The following NLGN4X variants were observed in gnomAD, a reference collection of about 807,000 sequenced individuals.
NLGN4X encodes neuroligin-4, X-linked.
In NLGN4X, 3 loss-of-function variants were observed where a neutral mutation model predicts 40.3. The observed-to-expected ratio is 0.07, with a 90% CI of 0.03 to 0.19. The LOEUF (loss-of-function observed/expected upper bound fraction) is 0.19, where lower values mean the gene tolerates loss of function less well. Ranked by LOEUF, NLGN4X falls within the 10% of genes least tolerant of loss-of-function variation. The pLI is 1.00. For missense variants in NLGN4X, 382 were observed against 708.3 expected (o/e 0.54, Z 5.23); for synonymous variants, 270 against 306.8 (o/e 0.88, Z 1.25).
chrX:5,946,726 A>T (rs757013133), intron 3 of NLGN4X, among the ~76,000 whole-genome samples: 2 of 111,398 alleles, frequency 1.8e-5, no homozygotes, highest in South Asian at 7.5e-4. Flanking sequence ...CAGGTTTGTT[A>T]TGCAGGTAAA....
At chrX:6,077,046 T>G (rs959030008) in intron 2 of NLGN4X, among the ~76,000 whole-genome samples, 10 of 111,966 alleles carry the variant, frequency 8.9e-5, no homozygotes, top group Non-Finnish European at 1.9e-5. Flanking sequence ...TAACATATTT[T>G]TACCTTTTTC....
At chrX:6,153,518 T>C (rs2040205630) in intron 1 of NLGN4X, among the ~76,000 whole-genome samples, 1 of 112,249 alleles carries the variant, frequency 8.9e-6, no homozygotes, top group South Asian at 3.7e-4. Context: ...TGGTTGCTTC[T>C]TTCCTGAAAG....
At chrX:5,928,412 G>A (rs190592514) in intron 3 of NLGN4X, among the ~76,000 whole-genome samples, 44 of 111,699 alleles carry the variant, frequency 3.9e-4, no homozygotes, top group African/African-American at 1.4e-3. Flanking sequence ...GTGGCCTCAG[G>A]GACAACTCTA....
At chrX:6,164,939 T>C (rs976371808) in intron 1 of NLGN4X, among the ~76,000 whole-genome samples, 1 of 111,315 alleles carries the variant, frequency 9.0e-6, no homozygotes, top group African/African-American at 3.3e-5. Context: ...CCTTACAAGG[T>C]GTTCGGCTCT....
At chrX:6,115,993 G>GT (rs1302456922) in intron 2 of NLGN4X, among the ~76,000 whole-genome samples, 1 of 110,437 alleles carries the variant, frequency 9.1e-6, no homozygotes, top group Non-Finnish European at 1.9e-5. Flanking sequence ...CTTTACAAAT[G>GT]TAATAAAGAA....
chrX:6,172,452 T>G (rs766065508), intron 1 of NLGN4X, among the ~76,000 whole-genome samples: 2 of 112,364 alleles, frequency 1.8e-5, no homozygotes, highest in African/African-American at 6.5e-5. Flanking sequence ...TATCTCTCTC[T>G]CATTAAAGTT....
chrX:6,028,662 GAA>G (rs61696018), intron 3 of NLGN4X, among the ~76,000 whole-genome samples: 24 of 70,868 alleles, frequency 3.4e-4, no homozygotes, highest in African/African-American at 6.4e-4. Flanking sequence ...CCATCTCAAA[GAA>G]AAAAAAAAAA....
chrX:5,957,919 G>T (rs2034546117), intron 3 of NLGN4X, among the ~76,000 whole-genome samples: 1 of 112,335 alleles, frequency 8.9e-6, no homozygotes, highest in African/African-American at 3.2e-5. Context: ...TATTGTGTAG[G>T]AAAGTGAAGC....
intron 3 of NLGN4X, among the ~76,000 whole-genome samples, chrX:5,971,275 C>T (rs1448728957): frequency 2.7e-5 from 3 of 110,652 alleles, no homozygotes; most frequent in Non-Finnish European, 5.7e-5. Context: ...GGAGAGTTCT[C>T]TAACTCAGAT....
chrX:6,063,864 C>A (rs975321059), intron 2 of NLGN4X, among the ~76,000 whole-genome samples: 2 of 111,943 alleles, frequency 1.8e-5, no homozygotes, highest in Non-Finnish European at 3.8e-5. Context: ...TACAAAAATA[C>A]TAGGAAGTCC....
At chrX:5,921,133 T>A (rs58739136) in intron 3 of NLGN4X, among the ~76,000 whole-genome samples, 3,138 of 65,004 alleles carry the variant, frequency 0.048, 128 homozygotes, top group African/African-American at 0.19. Flanking sequence ...TAAGTATTTT[T>A]TATATATATA....
chrX:6,195,532 C>T (rs1183444987), intron 1 of NLGN4X, among the ~76,000 whole-genome samples: 3 of 112,476 alleles, frequency 2.7e-5, no homozygotes, highest in Non-Finnish European at 3.8e-5. Flanking sequence ...CAAACACAGT[C>T]CCATGATGCA....
chrX:5,909,656 A>C, intron 3 of NLGN4X, among the ~76,000 whole-genome samples: 1 of 83,258 alleles, frequency 1.2e-5, no homozygotes, highest in Non-Finnish European at 2.3e-5. Context: ...TGGGGGGGGG[A>C]GGGGGCGTAA....
At chrX:5,932,070 G>T (rs1208915634) in intron 3 of NLGN4X, among the ~76,000 whole-genome samples, 1 of 111,369 alleles carries the variant, frequency 9.0e-6, no homozygotes, top group East Asian at 2.8e-4. Context: ...GCTGCGTTGA[G>T]GAGCTGGTTA....
chrX:6,182,994 T>C (rs1204743335), intron 1 of NLGN4X, among the ~76,000 whole-genome samples: 1 of 112,089 alleles, frequency 8.9e-6, no homozygotes, highest in African/African-American at 3.2e-5. Flanking sequence ...CTGCTCCTTC[T>C]GGAATCCTAG....
chrX:6,123,959 A>G (rs2039484477), intron 2 of NLGN4X, among the ~76,000 whole-genome samples: 1 of 111,130 alleles, frequency 9.0e-6, no homozygotes, highest in Non-Finnish European at 1.9e-5. Context: ...AAGATAAAAT[A>G]TTGATTAAAA....
chrX:6,064,484 C>A (rs931567131), intron 2 of NLGN4X, among the ~76,000 whole-genome samples: 1 of 111,800 alleles, frequency 8.9e-6, no homozygotes, highest in African/African-American at 3.3e-5. Context: ...ACAATCATCT[C>A]ACTTTAAAAC....
intron 1 of NLGN4X, among the ~76,000 whole-genome samples, chrX:6,180,315 A>G (rs1484792426): frequency 9.0e-6 from 1 of 111,222 alleles, no homozygotes; most frequent in Non-Finnish European, 1.9e-5. Flanking sequence ...GTTCTCATGA[A>G]TGGTTTAGCA....
intron 1 of NLGN4X, among the ~76,000 whole-genome samples, chrX:6,213,706 A>G (rs1924818850): frequency 8.9e-6 from 1 of 112,415 alleles, no homozygotes; most frequent in African/African-American, 3.2e-5. Flanking sequence ...AAAAGTAGTC[A>G]ATGTGTAAGA....
Sources: allele counts gnomAD v4.1 joint callset (sites outside exome capture counted in the v4.1 genomes callset), GRCh38; gene constraint gnomAD v4.1.1; transcripts MANE v1.5; gene names NCBI Gene and HGNC (gene_info 2026-07-23, HGNC 2026-07-21).